Variants in IQGAP2 observed in about 807,000 individuals in gnomAD.
IQGAP2 encodes ras GTPase-activating-like protein IQGAP2.
IQGAP2 carries 173 observed loss-of-function variants against 201.3 expected under a neutral mutation model. The observed-to-expected ratio is 0.86, with a 90% CI of 0.76 to 0.98. The LOEUF (loss-of-function observed/expected upper bound fraction) is 0.98. Ranked by LOEUF, IQGAP2 falls within the 50% of genes least tolerant of loss-of-function variation. The pLI is 0.00. For missense variants in IQGAP2, 1,687 were observed against 1,864.8 expected (o/e 0.90, Z 1.76); for synonymous variants, 675 against 673.9 (o/e 1.00, Z -0.03).
chr5:76,596,722 C>T (rs561510606), intron 9 of IQGAP2, among the ~76,000 whole-genome samples: 5 of 152,276 alleles, frequency 3.3e-5, no homozygotes, highest in East Asian at 3.9e-4. Flanking sequence ...CACACTTAAC[C>T]GTATCTCGTG....
intron 1 of IQGAP2, among the ~76,000 whole-genome samples, chr5:76,450,248 C>T (rs896035279): frequency 1.1e-4 from 16 of 152,160 alleles, no homozygotes; most frequent in Non-Finnish European, 1.8e-4. Context: ...CCTGCAAACT[C>T]GATGTGAACC....
chr5:76,480,926 TG>T (rs1430213714), intron 2 of IQGAP2, among the ~76,000 whole-genome samples: 3 of 152,310 alleles, frequency 2.0e-5, no homozygotes, highest in African/African-American at 4.8e-5. Context: ...GTGGGTTTGG[TG>T]TCCCATACCA....
intron 20 of IQGAP2, among the ~76,000 whole-genome samples, chr5:76,656,123 T>A (rs1393604001): frequency 6.6e-6 from 1 of 152,222 alleles, no homozygotes; most frequent in Non-Finnish European, 1.5e-5. Flanking sequence ...ATCTACTGAA[T>A]AATGTCTCAT....
rs1459946299 is a variant in IQGAP2 at position 76,668,859 on chromosome 5, A to G, written c.2843+15A>G. ...GAAGAAATAAAGTATGTATACAAATATGTATGTAAAAATACCAGTGAATCA... is the reference window on the plus strand; with the variant it reads ...GAAGAAATAAAGTATGTATACAAATGTGTATGTAAAAATACCAGTGAATCA... On this transcript the variant is annotated intron_variant, in intron 23 of 35. Coordinates refer to ENST00000274364, the MANE Select transcript of IQGAP2 (RefSeq NM_006633.5). The G allele has an allele frequency of 7.3e-6, 11 of 1,508,276 alleles. No homozygotes were observed. The highest frequency in any genetic ancestry group is 2.4e-4 in the Middle Eastern group (1 of 4,254). 93.4% of individuals were successfully genotyped at this position (1,508,276 alleles called of 1,614,324 possible). A position where few individuals can be genotyped will look rare whatever the true frequency, so the allele number is the denominator to read the frequency against.
intron 17 of IQGAP2, among the ~76,000 whole-genome samples, chr5:76,646,184 C>T (rs1219521842): frequency 6.6e-6 from 1 of 152,190 alleles, no homozygotes; most frequent in African/African-American, 2.4e-5. Context: ...CATGGAATCC[C>T]AGTGACCCAC....
intron 1 of IQGAP2, among the ~76,000 whole-genome samples, chr5:76,437,756 T>C (rs1354229654): frequency 6.6e-6 from 1 of 152,254 alleles, no homozygotes; most frequent in Non-Finnish European, 1.5e-5. Flanking sequence ...TTTACCACAT[T>C]TTCTTTATCC....
At chr5:76,438,188 C>T (rs1055089827) in intron 1 of IQGAP2, among the ~76,000 whole-genome samples, 1 of 151,702 alleles carries the variant, frequency 6.6e-6, no homozygotes, top group Non-Finnish European at 1.5e-5. Flanking sequence ...AATGTCTGGT[C>T]GAGTTCAGCT....
In IQGAP2 at chr5:76,462,591, T is replaced by C. The variant is rs58593563; in HGVS notation, c.146+922T>C. On this transcript the variant is annotated intron_variant, in intron 2 of 35. Coordinates refer to ENST00000274364, the MANE Select transcript of IQGAP2 (RefSeq NM_006633.5). The stretch of plus-strand genomic sequence containing the variant: ...TTTATGCCAGGGTGGAGCGACAGTA[T>C]TGTTCCCTGGACAAAGATATGTTCC... Among the ~76,000 whole-genome samples, 304 of 152,288 alleles carry C rather than the reference T, an allele frequency of 2.0e-3. 2 individuals are homozygous for C. Among genetic ancestry groups the C allele is most frequent in the African/African-American group, 7.0e-3 (291 of 41,568 alleles).
intron 16 of IQGAP2, among the ~76,000 whole-genome samples, chr5:76,637,967 T>C (rs1201970192): frequency 6.6e-6 from 1 of 152,242 alleles, no homozygotes; most frequent in Non-Finnish European, 1.5e-5. Flanking sequence ...AGCTTTCTTC[T>C]ACCAGATTTT....
intron 1 of IQGAP2, among the ~76,000 whole-genome samples, chr5:76,435,095 T>C (rs975724665): frequency 1.3e-5 from 2 of 152,118 alleles, no homozygotes; most frequent in Admixed American, 1.3e-4. Flanking sequence ...TTGTAGATTC[T>C]GGTTATTAGA....
Position 76,658,453 on chromosome 5 carries a change from C to A in IQGAP2, c.2321-6C>A. ...AATTAAAGTATACCTGTTCCTGTCA[C>A]TGCAGTTGGCTCTGAAAACCCACCA... is the stretch of plus-strand genomic sequence containing the variant. On this transcript the variant is annotated splice_polypyrimidine_tract_variant and splice_region_variant and intron_variant, in intron 20 of 35. Coordinates refer to ENST00000274364, the MANE Select transcript of IQGAP2 (RefSeq NM_006633.5). 6.2e-7 allele frequency: 1 copy of A among 1,608,826 alleles called. No individual in the cohort carries two copies. Among genetic ancestry groups the A allele is most frequent in the Non-Finnish European group, 8.5e-7 (1 of 1,175,246 alleles).
intron 21 of IQGAP2, among the ~76,000 whole-genome samples, chr5:76,663,902 C>A (rs1743501911): frequency 6.6e-6 from 1 of 152,184 alleles, no homozygotes; most frequent in African/African-American, 2.4e-5. Context: ...AAAGTTAGGG[C>A]CTTGCTTTGG....
intron 5 of IQGAP2, among the ~76,000 whole-genome samples, chr5:76,577,101 A>G (rs2150284014): frequency 6.6e-6 from 1 of 152,390 alleles, no homozygotes; most frequent in African/African-American, 2.4e-5. Flanking sequence ...TGTGCATCAC[A>G]GTGCTAATCT....
chr5:76,704,014 G>A (rs901944727), intron 35 of IQGAP2, among the ~76,000 whole-genome samples: 2 of 152,168 alleles, frequency 1.3e-5, no homozygotes, highest in African/African-American at 4.8e-5. Flanking sequence ...GAGCTGAATG[G>A]GTTTGATAAG....
intron 33 of IQGAP2, among the ~76,000 whole-genome samples, chr5:76,699,731 C>G (rs1747142666): frequency 1.5e-5 from 1 of 66,962 alleles, no homozygotes; most frequent in Non-Finnish European, 3.0e-5. Flanking sequence ...CTCTCTCTCT[C>G]TCTCTCACTC....
chr5:76,619,418 C>A (rs1749366981), intron 13 of IQGAP2, among the ~76,000 whole-genome samples: 3 of 152,048 alleles, frequency 2.0e-5, no homozygotes, highest in Admixed American at 6.6e-5. Flanking sequence ...ATAGTAGCCC[C>A]CCGCAAAGAT....
intron 2 of IQGAP2, among the ~76,000 whole-genome samples, chr5:76,504,110 A>G (rs1050056751): frequency 1.3e-5 from 2 of 152,230 alleles, no homozygotes; most frequent in African/African-American, 4.8e-5. Flanking sequence ...CTTTTAGAGC[A>G]TAGCGTGCTA....
At chr5:76,512,596 T>C (rs377744913) in intron 2 of IQGAP2, among the ~76,000 whole-genome samples, 4 of 152,230 alleles carry the variant, frequency 2.6e-5, no homozygotes, top group African/African-American at 9.6e-5. Context: ...ATTAGTACTA[T>C]AGTGAGACTG....
chr5:76,575,644 C>T (rs367874853), intron 4 of IQGAP2, 49 bp from the exon 5 acceptor site: 2 of 1,205,568 alleles, frequency 1.7e-6, no homozygotes, highest in African/African-American at 3.1e-5. Context: ...AGTTAAAATA[C>T]TTGTGAGAAG....
Sources: allele counts gnomAD v4.1 joint callset (sites outside exome capture counted in the v4.1 genomes callset), GRCh38; gene constraint gnomAD v4.1.1; transcripts MANE v1.5; gene names NCBI Gene and HGNC (gene_info 2026-07-23, HGNC 2026-07-21).